The following NEDD4L variants were observed in gnomAD, a reference collection of about 807,000 sequenced individuals.
The protein encoded by NEDD4L is E3 ubiquitin-protein ligase NEDD4-like.
In NEDD4L, 54 loss-of-function variants were observed where a neutral mutation model predicts 148.9. The ratio of observed to expected loss-of-function variants is 0.36; its 90% CI spans 0.29 to 0.45. The LOEUF (loss-of-function observed/expected upper bound fraction) is 0.45. NEDD4L is among the 20% of genes least tolerant of loss of function. The pLI is 1.00. For missense variants in NEDD4L, 856 were observed against 1,233.8 expected, an observed-to-expected ratio of 0.69 and a Z score of 4.59; for synonymous variants, 433 against 440.7, an observed-to-expected ratio of 0.98 and a Z score of 0.22.
chr18:58,119,857 G>A (rs1041414626), intron 1 of NEDD4L, among the ~76,000 whole-genome samples: 6 of 152,164 alleles, frequency 3.9e-5, no homozygotes, highest in South Asian at 4.1e-4. Flanking sequence ...GGACATTGGC[G>A]GTTTGCTTAG....
intron 24 of NEDD4L, among the ~76,000 whole-genome samples, chr18:58,381,998 G>GAA (rs1320370536): frequency 7.9e-5 from 12 of 152,324 alleles, no homozygotes; most frequent in African/African-American, 2.9e-4. Flanking sequence ...GCAGCAAAGG[G>GAA]ATTAAAATTC....
At chr18:58,097,229 A>G (rs966252780) in intron 1 of NEDD4L, among the ~76,000 whole-genome samples, 1 of 152,238 alleles carries the variant, frequency 6.6e-6, no homozygotes, top group Admixed American at 6.5e-5. Flanking sequence ...ACTGTTCAGA[A>G]TATTAGTGCC....
At chr18:58,383,424 T>C in intron 25 of NEDD4L, 105 bp downstream of exon 25, 2 of 681,584 alleles carry the variant, frequency 2.9e-6, no homozygotes, top group South Asian at 3.6e-5. Flanking sequence ...GGCATGAGTT[T>C]ATTGGTCAGT....
intron 13 of NEDD4L, among the ~76,000 whole-genome samples, chr18:58,338,459 A>G (rs561344942): frequency 1.3e-5 from 2 of 152,352 alleles, no homozygotes; most frequent in South Asian, 4.1e-4. Flanking sequence ...ACTGTAAAGA[A>G]ACATTTCCAA....
chr18:58,394,559 C>T lies in NEDD4L; in HGVS notation c.2826-1608C>T, dbSNP rs141535968. On this transcript the variant is annotated intron_variant, in intron 30 of 30. Coordinates refer to ENST00000400345, the MANE Select transcript of NEDD4L (RefSeq NM_001144967.3). ...AAATGCCATCTGTAGATGTGAAGTC[C>T]TGTCTTTATTAATATGATAATAGAA... Among the ~76,000 whole-genome samples the T allele has an allele frequency of 2.2e-4, 33 of 152,342 alleles. No homozygotes were observed. The East Asian group carries it at 5.4e-3, about 25-fold the overall frequency.
intron 2 of NEDD4L, among the ~76,000 whole-genome samples, chr18:58,237,991 T>G (rs376752725): frequency 9.4e-4 from 143 of 152,372 alleles, no homozygotes; most frequent in African/African-American, 3.3e-3. Context: ...ACCATCATAA[T>G]GGAAGCATCC....
chr18:58,077,711 G>A (rs2083241147), intron 1 of NEDD4L, among the ~76,000 whole-genome samples: 1 of 152,168 alleles, frequency 6.6e-6, no homozygotes, highest in Non-Finnish European at 1.5e-5. Flanking sequence ...AGCGCTTCCC[G>A]ATTACTTCAT....
At chr18:58,298,074 A>G (rs2055918514) in intron 5 of NEDD4L, among the ~76,000 whole-genome samples, 1 of 152,218 alleles carries the variant, frequency 6.6e-6, no homozygotes, top group Admixed American at 6.5e-5. Context: ...GATTACCGTC[A>G]TCTAAATCAG....
intron 29 of NEDD4L, among the ~76,000 whole-genome samples, 160 bp downstream of exon 29, chr18:58,390,902 T>C (rs552648315): frequency 6.6e-6 from 1 of 152,208 alleles, no homozygotes; most frequent in South Asian, 2.1e-4. Flanking sequence ...AGTACTGTTA[T>C]CTATACTTTA....
intron 24 of NEDD4L, among the ~76,000 whole-genome samples, chr18:58,374,592 C>T (rs192637175): frequency 1.3e-5 from 2 of 152,184 alleles, no homozygotes; most frequent in East Asian, 3.9e-4. Flanking sequence ...GCTGCTGCCC[C>T]TCTGGTCTCC....
At chr18:58,235,183 A>G (rs557326548) in intron 2 of NEDD4L, among the ~76,000 whole-genome samples, 10 of 152,264 alleles carry the variant, frequency 6.6e-5, no homozygotes, top group African/African-American at 2.4e-4. Context: ...TTACCAGTAC[A>G]CATAATTGTA....
chr18:58,258,946 C>T (rs1252030140), intron 5 of NEDD4L, among the ~76,000 whole-genome samples: 1 of 152,080 alleles, frequency 6.6e-6, no homozygotes, highest in Non-Finnish European at 1.5e-5. Flanking sequence ...GCTTTTTTGG[C>T]GTTTCAAATA....
rs2034469564 is a variant in NEDD4L, at chr18:58,149,642, A to G, written c.49-16146A>G. ...TCTGAAGCTCTCCACATCCACCCATAGTCATGATTGTGTTATATGACCTCA... is the reference window on the plus strand; with the variant it reads ...TCTGAAGCTCTCCACATCCACCCATGGTCATGATTGTGTTATATGACCTCA... On this transcript the variant is annotated intron_variant, in intron 1 of 30. Coordinates refer to ENST00000400345, the MANE Select transcript of NEDD4L (RefSeq NM_001144967.3). 4.5e-6 allele frequency: 4 copies of G among 881,334 alleles called. No individual in the cohort carries two copies. In the African/African-American group the frequency reaches 5.0e-5, roughly 11 times the overall value. The allele number at this position is 881,334 out of a possible 1,614,324, so 54.6% of individuals were successfully genotyped here.
chr18:58,231,922 G>A (rs1040425514), intron 2 of NEDD4L, among the ~76,000 whole-genome samples: 2 of 152,158 alleles, frequency 1.3e-5, no homozygotes, highest in Non-Finnish European at 2.9e-5. Flanking sequence ...GGAAGCATAG[G>A]GCAAAAGTAA....
chr18:58,163,480 T>C (rs2036480149), intron 1 of NEDD4L, among the ~76,000 whole-genome samples: 1 of 152,260 alleles, frequency 6.6e-6, no homozygotes, highest in Non-Finnish European at 1.5e-5. Context: ...CTGATGCTTC[T>C]GTAAGCACTT....
At chr18:58,301,711 CTG>C (rs1364081052) in intron 5 of NEDD4L, among the ~76,000 whole-genome samples, 1 of 152,202 alleles carries the variant, frequency 6.6e-6, no homozygotes, top group African/African-American at 2.4e-5. Flanking sequence ...AAGCTGTTGT[CTG>C]TGAATCGTAC....
At chr18:58,156,328 G>A (rs1294032856) in intron 1 of NEDD4L, among the ~76,000 whole-genome samples, 2 of 152,130 alleles carry the variant, frequency 1.3e-5, no homozygotes, top group Non-Finnish European at 2.9e-5. Context: ...ATTTCAATTG[G>A]TTATTGCATC....
Position 58,144,014 on chromosome 18 carries a change from T to C in NEDD4L, c.49-21774T>C, listed in dbSNP as rs1306115030. On this transcript the variant is annotated intron_variant, in intron 1 of 30. Transcript: ENST00000400345. ...TCAGTTAGTATTTTTGTTGTTGTAA[T>C]AGTAGCTTAGATCTCTTGTTTTTGT... Among the ~76,000 whole-genome samples the C allele has an allele frequency of 1.1e-4, 17 of 151,974 alleles. 1 individual carries two copies. The highest frequency in any genetic ancestry group is 1.1e-3 in the Admixed American group (17 of 15,252).
At chr18:58,154,235 G>T in intron 1 of NEDD4L, among the ~76,000 whole-genome samples, 1 of 152,284 alleles carries the variant, frequency 6.6e-6, no homozygotes. Context: ...CCTGATAACC[G>T]AGCTCAGGCA....
Sources: allele counts gnomAD v4.1 joint callset (sites outside exome capture counted in the v4.1 genomes callset), GRCh38; gene constraint gnomAD v4.1.1; transcripts MANE v1.5; gene names NCBI Gene and HGNC (gene_info 2026-07-23, HGNC 2026-07-21).